CLIP4: variants seen among roughly 807,000 people sequenced by gnomAD.
CLIP4 encodes the protein CAP-Gly domain-containing linker protein 4.
CLIP4 carries 47 observed loss-of-function variants against 73.1 expected under a neutral mutation model. That is an observed-to-expected ratio of 0.64 (90% CI 0.51 to 0.82). CLIP4 has a LOEUF of 0.82. Ranked by LOEUF, CLIP4 falls within the 40% of genes least tolerant of loss-of-function variation. The pLI, the probability that CLIP4 is intolerant of heterozygous loss-of-function variation, is 0.00. For synonymous variants in CLIP4, 306 were observed against 295.4 expected (o/e 1.04, Z -0.37); for missense variants, 874 against 852.9 (o/e 1.02, Z -0.31).
intron 1 of CLIP4, among the ~76,000 whole-genome samples, chr2:29,104,777 A>G (rs1467564860): frequency 6.6e-6 from 1 of 152,214 alleles, no homozygotes; most frequent in Admixed American, 6.5e-5. Context: ...ATGCCTCTAA[A>G]TTGCTGAAAA....
At chr2:29,103,373 T>C (rs1275640741) in intron 1 of CLIP4, among the ~76,000 whole-genome samples, 1 of 151,920 alleles carries the variant, frequency 6.6e-6, no homozygotes, top group Non-Finnish European at 1.5e-5. Flanking sequence ...TTTTAGTTTC[T>C]AAAACACCCA....
In CLIP4 at chr2:29,107,369, T is replaced by TTTTG. The variant is rs1558504964; in HGVS notation, c.-16+9425_-16+9426insGTTT. 4.6e-3 allele frequency among the ~76,000 whole-genome samples: 531 copies of TTTTG among 115,206 alleles called. 18 individuals are homozygous for TTTTG. Among genetic ancestry groups the TTTTG allele is most frequent in the African/African-American group, 0.018 (501 of 27,110 alleles). 75.6% of individuals were successfully genotyped at this position (115,206 alleles called of 152,430 possible). On this transcript the variant is annotated intron_variant, in intron 1 of 14. Coordinates refer to the CLIP4 transcript ENST00000401605. ...CCTGGAACATGATAGTTTTTTTTTT[T>TTTTG]TTTTTTTTTTTTTTTTTTTTGAGAT... is the stretch of plus-strand genomic sequence containing the variant.
intron 9 of CLIP4, among the ~76,000 whole-genome samples, chr2:29,155,066 A>C (rs1666829258): frequency 6.6e-6 from 1 of 152,236 alleles, no homozygotes; most frequent in African/African-American, 2.4e-5. Context: ...CAGTCCAAGC[A>C]TAGCAGCTTT....
chr2:29,104,680 C>T (rs563044289), intron 1 of CLIP4, among the ~76,000 whole-genome samples: 6 of 152,248 alleles, frequency 3.9e-5, no homozygotes, highest in South Asian at 2.1e-4. Context: ...CTGAGTATGA[C>T]GAAGCCTTTG....
chr2:29,115,939 G>A lies in CLIP4; in HGVS notation c.-16+274G>A, dbSNP rs1663782678. Among the ~76,000 whole-genome samples, 1 of 152,152 alleles carries A rather than the reference G, an allele frequency of 6.6e-6. No homozygotes were observed. The highest frequency in any genetic ancestry group is 1.5e-5 in the Non-Finnish European group (1 of 67,998). The stretch of plus-strand genomic sequence containing the variant: ...ACGGACGGCCCAACTTTAGGTTGAG[G>A]GGCGCGGGGTGTGCGGGACCCGGCG... On this transcript the variant is annotated intron_variant, in intron 1 of 15. Transcript: ENST00000320081. This position sits in a 1 kb window ranked among gnomAD's most constrained non-coding sequence, Gnocchi z 5.1.
At chr2:29,177,260 T>C (rs1453460849) in intron 15 of CLIP4, among the ~76,000 whole-genome samples, 5 of 151,902 alleles carry the variant, frequency 3.3e-5, no homozygotes, top group African/African-American at 1.2e-4. Context: ...CTACAAAAAA[T>C]TAGCCAGGTG....
chr2:29,145,069 C>T (rs1666060575), intron 7 of CLIP4, among the ~76,000 whole-genome samples, 163 bp from the exon 8 acceptor site: 1 of 151,628 alleles, frequency 6.6e-6, no homozygotes. Context: ...GAGCAAGGAA[C>T]ATTACCAAGC....
At chr2:29,122,800 T>G (rs1664347249) in intron 2 of CLIP4, among the ~76,000 whole-genome samples, 1 of 118,424 alleles carries the variant, frequency 8.4e-6, no homozygotes, top group Non-Finnish European at 1.6e-5. Context: ...CACTCCAGCC[T>G]GGGCCACAGA....
chr2:29,101,249 C>T (rs1668034631), intron 1 of CLIP4, among the ~76,000 whole-genome samples: 1 of 149,088 alleles, frequency 6.7e-6, no homozygotes, highest in African/African-American at 2.5e-5. Context: ...GAGATTGTGC[C>T]ACTGCACTCC....
In CLIP4 at chr2:29,181,863, T is replaced by C; in HGVS notation, c.2088T>C (p.Asn696=). ...GCAGAGTGACCTATCGGGGAATTAA[T>C]GGGTCAAAACTTGTGGATGAGAATT... ...RPSRVTYRGI[N]GSKLVDENC Residue 696 remains asparagine (N), a synonymous_variant, in exon 16 of 16, where the codon AAT becomes AAC. Transcript: ENST00000320081. 1 of 1,613,060 alleles carries C rather than the reference T, an allele frequency of 6.2e-7. No homozygotes were observed. Among genetic ancestry groups the C allele is most frequent in the Non-Finnish European group, 8.5e-7 (1 of 1,179,188 alleles).
At chr2:29,128,592 C>T (rs1664768076) in intron 2 of CLIP4, among the ~76,000 whole-genome samples, 1 of 152,106 alleles carries the variant, frequency 6.6e-6, no homozygotes, top group East Asian at 1.9e-4. Flanking sequence ...CTTTCACAAT[C>T]TCCCATCAAG....
At chr2:29,162,587 A>G (rs1667359772) in intron 12 of CLIP4, among the ~76,000 whole-genome samples, 1 of 152,222 alleles carries the variant, frequency 6.6e-6, no homozygotes, top group African/African-American at 2.4e-5. Flanking sequence ...GGTAAATTAA[A>G]ATGGGAAAAT....
intron 1 of CLIP4, among the ~76,000 whole-genome samples, chr2:29,101,236 G>A (rs944421787): frequency 1.3e-5 from 2 of 148,518 alleles, no homozygotes; most frequent in South Asian, 4.3e-4. Context: ...GTTGCAGTGA[G>A]CCGAGATTGT....
intron 1 of CLIP4, among the ~76,000 whole-genome samples, chr2:29,119,811 TA>T (rs950136258): frequency 9.2e-5 from 14 of 152,196 alleles, no homozygotes; most frequent in Non-Finnish European, 8.8e-5. Context: ...CTTCACCATT[TA>T]TGATTCTTAG....
intron 1 of CLIP4, among the ~76,000 whole-genome samples, chr2:29,099,611 T>C (rs1262729277): frequency 6.6e-6 from 1 of 152,258 alleles, no homozygotes; most frequent in Non-Finnish European, 1.5e-5. Flanking sequence ...AGCTTTGTAG[T>C]ATATCTTTAA....
At chr2:29,164,177 C>A (rs1667459719) in intron 13 of CLIP4, among the ~76,000 whole-genome samples, 1 of 152,150 alleles carries the variant, frequency 6.6e-6, no homozygotes, top group African/African-American at 2.4e-5. Context: ...CATTTGCAAA[C>A]CCTATGAGTA....
chr2:29,103,506 A>G (rs1668109782), intron 1 of CLIP4, among the ~76,000 whole-genome samples: 4 of 152,162 alleles, frequency 2.6e-5, no homozygotes, highest in Admixed American at 2.6e-4. Context: ...TTTTCATACC[A>G]TAACTTACAT....
rs1665144067 is a variant in CLIP4, at chr2:29,133,730, G to A, written c.443G>A (p.Trp148Ter). ...LGADISLRSR[W>*]TNMNALHYAA... is the part of the protein sequence containing the mutation. ...GCAGACATTAGTTTGCGGAGTCGCT[G>A]GACAAACATGAATGCTTTGCATTAT... is the stretch of plus-strand genomic sequence containing the variant. Residue 148 changes from tryptophan to a stop codon, truncating the protein, a stop_gained, in exon 5 of 16, where the codon TGG (tryptophan) becomes TAG (stop). Coordinates refer to ENST00000320081, the MANE Select transcript of CLIP4 (RefSeq NM_024692.6). LOFTEE classifies it high-confidence loss of function. The A allele has an allele frequency of 6.2e-7, 1 of 1,613,654 alleles. No individual in the cohort carries two copies. Among genetic ancestry groups the A allele is most frequent in the South Asian group, 1.1e-5 (1 of 91,032 alleles).
intron 8 of CLIP4, among the ~76,000 whole-genome samples, chr2:29,147,470 T>C (rs1369574395): frequency 6.6e-6 from 1 of 152,180 alleles, no homozygotes; most frequent in African/African-American, 2.4e-5. Flanking sequence ...TTATCAATTC[T>C]TATATTACTT....
Sources: allele counts gnomAD v4.1 joint callset (sites outside exome capture counted in the v4.1 genomes callset), GRCh38; gene constraint gnomAD v4.1.1; non-coding constraint Gnocchi (gnomAD v3.1); transcripts MANE v1.5; gene names NCBI Gene and HGNC (gene_info 2026-07-23, HGNC 2026-07-21).